HSP90AA1: variants seen among roughly 807,000 people sequenced by gnomAD.
The protein encoded by HSP90AA1 is heat shock protein HSP 90-alpha.
A neutral mutation model predicts 73.3 loss-of-function variants in HSP90AA1; 18 were observed. The ratio of observed to expected loss-of-function variants is 0.25; its 90% CI spans 0.17 to 0.36. The LOEUF (loss-of-function observed/expected upper bound fraction) is 0.36. HSP90AA1 is among the 10% of genes least tolerant of loss of function. The pLI, the probability that HSP90AA1 is intolerant of heterozygous loss-of-function variation, is 1.00. For missense variants in HSP90AA1, 704 were observed against 874.2 expected (o/e 0.81, Z 2.45); for synonymous variants, 477 against 296.9 (o/e 1.61, Z -6.24).
chr14:102,105,440 T>TG (rs1288997629), intron 1 of HSP90AA1, among the ~76,000 whole-genome samples: 1 of 151,886 alleles, frequency 6.6e-6, no homozygotes, highest in Non-Finnish European at 1.5e-5. Flanking sequence ...CAAAGGCAAA[T>TG]GGCGCCTGAA....
chr14:102,116,135 A>G (rs943945808), intron 1 of HSP90AA1, among the ~76,000 whole-genome samples: 25 of 151,896 alleles, frequency 1.6e-4, no homozygotes, highest in African/African-American at 6.0e-4. Flanking sequence ...TTGTATTTTT[A>G]GTAGAGACAG....
At chr14:102,089,216 C>T (rs1400102506), upstream of HSP90AA1, among the ~76,000 whole-genome samples, 14 of 152,206 alleles carry the variant, frequency 9.2e-5, no homozygotes, top group African/African-American at 2.4e-4. Flanking sequence ...CCACGGCGCC[C>T]GGCCAGCTCT....
intron 1 of HSP90AA1, among the ~76,000 whole-genome samples, chr14:102,108,751 G>A (rs1050282312): frequency 1.3e-5 from 2 of 151,822 alleles, no homozygotes; most frequent in Non-Finnish European, 2.9e-5. Flanking sequence ...TGGCCAGGTT[G>A]GTCTTGAACT....
At chr14:102,128,371 T>G (rs1295909669) in intron 1 of HSP90AA1, among the ~76,000 whole-genome samples, 9 of 152,124 alleles carry the variant, frequency 5.9e-5, no homozygotes, top group African/African-American at 2.2e-4. Context: ...CTCACGCCTG[T>G]AATCCCAGAA....
intron 1 of HSP90AA1, among the ~76,000 whole-genome samples, chr14:102,126,755 C>T (rs191892316): frequency 8.5e-5 from 13 of 152,192 alleles, no homozygotes; most frequent in African/African-American, 2.7e-4. Context: ...GTCTCGATCT[C>T]CTGACCTCGT....
At chr14:102,133,485 CTT>C (rs34704566) in intron 1 of HSP90AA1, among the ~76,000 whole-genome samples, 10 of 134,280 alleles carry the variant, frequency 7.4e-5, no homozygotes, top group Non-Finnish European at 6.3e-5. Context: ...TAAACTAGTT[CTT>C]TTTTTTTTTT....
intron 1 of HSP90AA1, among the ~76,000 whole-genome samples, chr14:102,109,674 G>A (rs887153635): frequency 7.9e-5 from 12 of 152,154 alleles, no homozygotes; most frequent in African/African-American, 2.9e-4. Context: ...ACAGTAAATT[G>A]TTACCAGCAG....
At chr14:102,091,155 C>T (rs1185393131), upstream of HSP90AA1, among the ~76,000 whole-genome samples, 1 of 152,184 alleles carries the variant, frequency 6.6e-6, no homozygotes, top group African/African-American at 2.4e-5. Flanking sequence ...AGGCTAGCTA[C>T]TTTGCATGCA....
chr14:102,119,752 G>A (rs2049752691), intron 1 of HSP90AA1, among the ~76,000 whole-genome samples: 1 of 152,154 alleles, frequency 6.6e-6, no homozygotes, highest in African/African-American at 2.4e-5. Flanking sequence ...CTCCTAAAGT[G>A]CTGGGATTAC....
chr14:102,136,588 AAAG>A (rs2050000194), intron 1 of HSP90AA1, among the ~76,000 whole-genome samples: 1 of 114,760 alleles, frequency 8.7e-6, no homozygotes, highest in African/African-American at 3.3e-5. Context: ...AAAAAAAAAA[AAAG>A]AAATACCCGG....
At chr14:102,139,317 G>C (rs940754722) in exon 1 of HSP90AA1, 46 of 1,613,708 alleles carry the variant, frequency 2.9e-5, no homozygotes, top group Non-Finnish European at 3.8e-5. Context: ...CGGTCGCGCG[G>C]GTATTCAGCA....
chr14:102,129,934 G>A (rs574207736), intron 1 of HSP90AA1, among the ~76,000 whole-genome samples: 2 of 152,034 alleles, frequency 1.3e-5, no homozygotes, highest in South Asian at 4.1e-4. Context: ...ATGCCGCTGT[G>A]AACATTCACG....
upstream of HSP90AA1, among the ~76,000 whole-genome samples, chr14:102,087,945 T>C (rs1292685399): frequency 8.3e-4 from 101 of 121,992 alleles, no homozygotes; most frequent in Non-Finnish European, 9.8e-4. Context: ...TTTTTTTTTT[T>C]TTTTTCTTTT....
At chr14:102,089,648 C>G (rs1174831633), upstream of HSP90AA1, among the ~76,000 whole-genome samples, 3 of 152,154 alleles carry the variant, frequency 2.0e-5, no homozygotes, top group South Asian at 2.1e-4. Flanking sequence ...CACGGAAGAG[C>G]CCGGCCAGGA....
upstream of HSP90AA1, among the ~76,000 whole-genome samples, chr14:102,090,932 T>C (rs2029904502): frequency 6.6e-6 from 1 of 152,224 alleles, no homozygotes; most frequent in South Asian, 2.1e-4. Flanking sequence ...GTGGCCTGGA[T>C]TCAGATCTTA....
chr14:102,092,681 G>T (rs769179592), intron 2 of HSP90AA1, among the ~76,000 whole-genome samples: 1 of 152,160 alleles, frequency 6.6e-6, no homozygotes, highest in Non-Finnish European at 1.5e-5. Flanking sequence ...TCATTATTTT[G>T]ATTGTAGTGA....
chr14:102,094,088 A>G (rs901472382), intron 2 of HSP90AA1, among the ~76,000 whole-genome samples: 1 of 152,174 alleles, frequency 6.6e-6, no homozygotes, highest in Admixed American at 6.5e-5. Context: ...GAGTAACTAT[A>G]AAATCGGGAT....
At chr14:102,105,275 C>T (rs1192822194) in intron 1 of HSP90AA1, among the ~76,000 whole-genome samples, 7 of 151,044 alleles carry the variant, frequency 4.6e-5, no homozygotes, top group Admixed American at 1.3e-4. Flanking sequence ...AATGTCCAGG[C>T]GCTTTGCTAG....
In HSP90AA1 at chr14:102,114,267, G is replaced by A. The variant is rs1037889608; in HGVS notation, c.156-12182C>T. Among the ~76,000 whole-genome samples the A allele has an allele frequency of 1.3e-5, 2 of 152,066 alleles. 1 individual carries two copies. The highest frequency in any genetic ancestry group is 1.3e-4 in the Admixed American group (2 of 15,252). ...GCCTCCCAAAGTGCTGAGATTGCTG[G>A]GATTACAGGTGTGAGCCACTGCACC... On this transcript the variant is annotated intron_variant, in intron 1 of 11. Transcript: ENST00000334701.
Sources: gnomAD v4.1 joint callset for allele counts (sites outside exome capture counted in the v4.1 genomes callset) on GRCh38, gnomAD v4.1.1 for gene constraint, MANE v1.5 for transcripts, NCBI Gene and HGNC (gene_info 2026-07-23, HGNC 2026-07-21) for gene names.